The following VWC2L variants were observed in gnomAD, a reference collection of about 807,000 sequenced individuals.
VWC2L encodes the protein von Willebrand factor C domain containing 2 like.
Under a neutral mutation model 21.6 loss-of-function variants are expected in VWC2L, and 10 were observed. The observed-to-expected ratio is 0.46, with a 90% CI of 0.29 to 0.78. The LOEUF is 0.78. Among genes scored for constraint, VWC2L ranks in the 30% least tolerant of loss-of-function variants. VWC2L has a pLI of 0.10. For missense variants in VWC2L, 209 were observed against 277.1 expected (o/e 0.75, Z 1.74); for synonymous variants, 96 against 94.3 (o/e 1.02, Z -0.10).
chr2:214,527,052 GAAT>G (rs1689350974), intron 3 of VWC2L, among the ~76,000 whole-genome samples: 1 of 152,062 alleles, frequency 6.6e-6, no homozygotes, highest in East Asian at 1.9e-4. Context: ...ATACACCATA[GAAT>G]ACTACACAGC....
At chr2:214,511,873 T>TTATATATATATACTC (rs1412466407) in intron 3 of VWC2L, among the ~76,000 whole-genome samples, 3 of 61,690 alleles carry the variant, frequency 4.9e-5, no homozygotes, top group African/African-American at 1.1e-4. Context: ...TATATATACT[T>TTATATATATATACTC]TATATATATA....
chr2:214,479,494 A>G (rs1289694027), intron 3 of VWC2L, among the ~76,000 whole-genome samples: 1 of 152,166 alleles, frequency 6.6e-6, no homozygotes, highest in African/African-American at 2.4e-5. Context: ...CAAGGAATTG[A>G]CTGTTCCTAA....
intron 3 of VWC2L, among the ~76,000 whole-genome samples, chr2:214,508,054 G>C (rs1369670705): frequency 6.6e-6 from 1 of 152,084 alleles, no homozygotes; most frequent in Non-Finnish European, 1.5e-5. Context: ...TCGGCTCACT[G>C]CAAGCTCCGC....
At chr2:214,510,018 C>T (rs552632243) in intron 3 of VWC2L, among the ~76,000 whole-genome samples, 49 of 152,214 alleles carry the variant, frequency 3.2e-4, no homozygotes, top group African/African-American at 1.1e-3. Context: ...AAATAAGATC[C>T]CAGTTGAAAC....
At chr2:214,486,291 T>C (rs1336534700) in intron 3 of VWC2L, among the ~76,000 whole-genome samples, 1 of 152,224 alleles carries the variant, frequency 6.6e-6, no homozygotes, top group Non-Finnish European at 1.5e-5. Flanking sequence ...GAGTTAGAGC[T>C]TGCAGCCATG....
chr2:214,415,428 C>T, intron 2 of VWC2L, among the ~76,000 whole-genome samples: 1 of 152,084 alleles, frequency 6.6e-6, no homozygotes, highest in Non-Finnish European at 1.5e-5. Flanking sequence ...GTCTGTCATA[C>T]TGATGGCTTT....
At chr2:214,536,516 T>C (rs1038394584) in intron 3 of VWC2L, among the ~76,000 whole-genome samples, 2 of 152,096 alleles carry the variant, frequency 1.3e-5, no homozygotes, top group African/African-American at 4.8e-5. Context: ...AATCTTAAAA[T>C]CTTAACATTT....
chr2:214,451,265 T>G (rs572898195), intron 3 of VWC2L, among the ~76,000 whole-genome samples: 1 of 143,236 alleles, frequency 7.0e-6, no homozygotes, highest in Non-Finnish European at 1.5e-5. Flanking sequence ...ATTAAGAAAT[T>G]CATTCTAAAA....
intron 3 of VWC2L, among the ~76,000 whole-genome samples, chr2:214,453,717 T>A (rs947594374): frequency 2.7e-5 from 2 of 75,032 alleles, no homozygotes; most frequent in Admixed American, 1.5e-4. Flanking sequence ...TCCCAAAGAA[T>A]TTTTTTTCTT....
chr2:214,476,977 C>T (rs1265254869), intron 3 of VWC2L, among the ~76,000 whole-genome samples: 1 of 152,066 alleles, frequency 6.6e-6, no homozygotes, highest in African/African-American at 2.4e-5. Context: ...CCTTTTAGAA[C>T]CCTACACTCA....
intron 3 of VWC2L, among the ~76,000 whole-genome samples, chr2:214,443,241 G>A (rs1050424501): frequency 6.6e-6 from 1 of 151,988 alleles, no homozygotes; most frequent in Non-Finnish European, 1.5e-5. Context: ...TGTCTGTGGT[G>A]TGTGCCTGTA....
chr2:214,552,558 T>A (rs1037816088), intron 3 of VWC2L, among the ~76,000 whole-genome samples: 1 of 152,182 alleles, frequency 6.6e-6, no homozygotes, highest in African/African-American at 2.4e-5. Flanking sequence ...TATTAAAACC[T>A]TACAAGCTTC....
At chr2:214,511,867 T>A in intron 3 of VWC2L, among the ~76,000 whole-genome samples, 1 of 62,246 alleles carries the variant, frequency 1.6e-5, no homozygotes, top group African/African-American at 3.6e-5. Context: ...ACTCTATATA[T>A]ATACTTTATA....
chr2:214,484,663 G>T (rs998248523), intron 3 of VWC2L, among the ~76,000 whole-genome samples: 44 of 152,162 alleles, frequency 2.9e-4, no homozygotes, highest in African/African-American at 1.0e-3. Flanking sequence ...GCATCGGGCA[G>T]AAATCAATGA....
At chr2:214,525,919 ACATACCG>A (rs1285621939) in intron 3 of VWC2L, among the ~76,000 whole-genome samples, 1 of 152,158 alleles carries the variant, frequency 6.6e-6, no homozygotes, top group East Asian at 1.9e-4. Context: ...AAAAAGTAGT[ACATACCG>A]CATACCATTA....
At chr2:214,570,060 G>C (rs1401892234) in intron 3 of VWC2L, among the ~76,000 whole-genome samples, 1 of 152,064 alleles carries the variant, frequency 6.6e-6, no homozygotes, top group African/African-American at 2.4e-5. Context: ...TAGAATCCTG[G>C]ATGATTGAAA....
intron 3 of VWC2L, among the ~76,000 whole-genome samples, chr2:214,503,358 A>G (rs558946079): frequency 6.6e-6 from 1 of 152,172 alleles, no homozygotes; most frequent in Non-Finnish European, 1.5e-5. Flanking sequence ...TTTAATCAGA[A>G]AAAAAAATGT....
intron 3 of VWC2L, among the ~76,000 whole-genome samples, chr2:214,477,495 G>A (rs1688541805): frequency 6.6e-6 from 1 of 152,118 alleles, no homozygotes; most frequent in Non-Finnish European, 1.5e-5. Context: ...ACAACCTCTG[G>A]AAAAAGTCCA....
intron 3 of VWC2L, among the ~76,000 whole-genome samples, chr2:214,535,398 A>G (rs772087389): frequency 2.2e-4 from 33 of 152,086 alleles, no homozygotes; most frequent in Non-Finnish European, 3.7e-4. Context: ...ATACCATATC[A>G]TGCTCTTCCA....
Sources: allele counts gnomAD v4.1 joint callset (sites outside exome capture counted in the v4.1 genomes callset), GRCh38; gene constraint gnomAD v4.1.1; transcripts MANE v1.5; gene names NCBI Gene and HGNC (gene_info 2026-07-23, HGNC 2026-07-21).